The following COLEC10 variants were observed in gnomAD, a reference collection of about 807,000 sequenced individuals.
The protein encoded by COLEC10 is collectin-10.
In COLEC10, 22 loss-of-function variants were observed where a neutral mutation model predicts 28.4. The ratio of observed to expected loss-of-function variants is 0.78; its 90% CI spans 0.55 to 1.11. The LOEUF (loss-of-function observed/expected upper bound fraction) is 1.11, where lower values mean the gene tolerates loss of function less well. Among genes scored for constraint, COLEC10 ranks in the 50% least tolerant of loss-of-function variants. The pLI is 0.00. For missense variants in COLEC10, 361 were observed against 344.1 expected, an observed-to-expected ratio of 1.05 and a Z score of -0.39; for synonymous variants, 125 against 116.1, an observed-to-expected ratio of 1.08 and a Z score of -0.49.
Position 119,075,200 on chromosome 8 carries a change from C to T in COLEC10, c.148+7771C>T, listed in dbSNP as rs145382812. ...GCACAAATTCTCTCTTTCTCTCTTA[C>T]GTCTCTTGCTTATATTTATAAAATT... On this transcript the variant is annotated intron_variant, in intron 1 of 5. Coordinates refer to ENST00000332843, the MANE Select transcript of COLEC10 (RefSeq NM_006438.5). Among the ~76,000 whole-genome samples, 530 of 152,258 alleles carry T rather than the reference C, an allele frequency of 3.5e-3. 3 individuals carry two copies. The highest frequency in any genetic ancestry group is 0.012 in the African/African-American group (506 of 41,554).
upstream of COLEC10, among the ~76,000 whole-genome samples, chr8:118,994,361 C>A (rs1178079924): frequency 6.6e-6 from 1 of 152,120 alleles, no homozygotes; most frequent in Non-Finnish European, 1.5e-5. Context: ...ACTGTGGAAC[C>A]TGAAAGAGCC....
chr8:118,955,022 T>C, the COLEC10 span, among the ~76,000 whole-genome samples: 3 of 152,130 alleles, frequency 2.0e-5, no homozygotes, highest in African/African-American at 7.2e-5. Context: ...AAATTGGAAA[T>C]ACCGGTTCTG....
chr8:119,103,309 G>A (rs1051826889), intron 4 of COLEC10, among the ~76,000 whole-genome samples: 2 of 152,148 alleles, frequency 1.3e-5, no homozygotes, highest in Non-Finnish European at 2.9e-5. Flanking sequence ...AAACATGCAA[G>A]CTGTATTTTA....
chr8:118,978,189 T>C, the COLEC10 span, among the ~76,000 whole-genome samples: 1 of 152,170 alleles, frequency 6.6e-6, no homozygotes, highest in Non-Finnish European at 1.5e-5. Flanking sequence ...TTTTAACTTC[T>C]GATTTCATAA....
chr8:119,008,616 G>A (rs1036423806), intron 1 of COLEC10, among the ~76,000 whole-genome samples: 6 of 150,480 alleles, frequency 4.0e-5, no homozygotes, highest in African/African-American at 1.5e-4. Flanking sequence ...GGCTCCCAGA[G>A]TTGCTCATGA....
At chr8:119,097,346 A>G (rs968913061) in intron 3 of COLEC10, among the ~76,000 whole-genome samples, 2 of 152,024 alleles carry the variant, frequency 1.3e-5, no homozygotes, top group African/African-American at 2.4e-5. Flanking sequence ...TCCCTCTATC[A>G]TTCTTAAAAA....
chr8:119,104,114 G>A (rs1815893803), intron 5 of COLEC10, among the ~76,000 whole-genome samples: 1 of 152,066 alleles, frequency 6.6e-6, no homozygotes, highest in African/African-American at 2.4e-5. Flanking sequence ...TTGCTTATGG[G>A]AAGAGAAAGA....
rs149555053 is a variant in COLEC10, at chr8:119,020,455, G to A, written n.235+10902G>A. On this transcript the variant is annotated intron_variant and non_coding_transcript_variant, in intron 2 of 6. Coordinates refer to the COLEC10 transcript ENST00000521788. ...AAGAATTGGTTTCCAGGTTTGTTTC[G>A]TAACTGTGGTTGCCTAGTAGATGTA... 1.7e-3 allele frequency among the ~76,000 whole-genome samples: 253 copies of A among 152,082 alleles called. 2 individuals are homozygous for A. The highest frequency in any genetic ancestry group is 5.8e-3 in the African/African-American group (241 of 41,504).
At chr8:119,077,550 ATGAC>A (rs1203099679) in intron 1 of COLEC10, among the ~76,000 whole-genome samples, 1 of 152,142 alleles carries the variant, frequency 6.6e-6, no homozygotes, top group Non-Finnish European at 1.5e-5. Context: ...ATGTAGAAAA[ATGAC>A]TGGGCAGTGG....
the COLEC10 span, among the ~76,000 whole-genome samples, chr8:118,958,693 C>T: frequency 2.0e-5 from 3 of 152,214 alleles, no homozygotes; most frequent in South Asian, 2.1e-4. Flanking sequence ...TGAGACCTTT[C>T]GCTGCTCAGT....
chr8:119,002,111 A>G (rs1186768784), intron 1 of COLEC10, among the ~76,000 whole-genome samples: 2 of 152,158 alleles, frequency 1.3e-5, no homozygotes, highest in African/African-American at 4.8e-5. Flanking sequence ...CTACTTCATA[A>G]ACATCAATAC....
intron 3 of COLEC10, among the ~76,000 whole-genome samples, chr8:119,093,851 T>C (rs1271262372): frequency 1.3e-5 from 2 of 152,192 alleles, no homozygotes; most frequent in Non-Finnish European, 2.9e-5. Flanking sequence ...TTAAGTGATA[T>C]TTCCCCATTG....
the COLEC10 span, among the ~76,000 whole-genome samples, chr8:118,985,206 A>C: frequency 4.6e-5 from 7 of 152,058 alleles, no homozygotes; most frequent in African/African-American, 1.7e-4. Context: ...GTTTGAAGCC[A>C]CCAAGTTCAT....
At chr8:118,973,561 G>T in the COLEC10 span, among the ~76,000 whole-genome samples, 1 of 151,910 alleles carries the variant, frequency 6.6e-6, no homozygotes, top group Non-Finnish European at 1.5e-5. Context: ...AAAGACAAAA[G>T]AATCTACTAG....
At position 119,080,310 on chromosome 8, in the gene COLEC10, C is replaced by T. The variant is rs561790253; in HGVS notation, c.149-9370C>T. 1.4e-4 allele frequency among the ~76,000 whole-genome samples: 22 copies of T among 152,200 alleles called. 1 individual carries two copies. In the South Asian group the frequency reaches 4.4e-3, roughly 30 times the overall value. On this transcript the variant is annotated intron_variant, in intron 1 of 5. Transcript: ENST00000332843. Reference sequence around the variant, plus strand: ...TAGAAATGCAGTAAAAATTGGCCAACGAACAAACAAGTAAGAAAATTGTGA... The same window carrying T: ...TAGAAATGCAGTAAAAATTGGCCAATGAACAAACAAGTAAGAAAATTGTGA...
intron 1 of COLEC10, among the ~76,000 whole-genome samples, chr8:118,996,884 G>C (rs1416967685): frequency 6.6e-6 from 1 of 152,054 alleles, no homozygotes; most frequent in African/African-American, 2.4e-5. Flanking sequence ...GTAAGGATTG[G>C]GGGAGGTACC....
chr8:119,099,499 A>G (rs1221197994), intron 3 of COLEC10, among the ~76,000 whole-genome samples: 1 of 152,074 alleles, frequency 6.6e-6, no homozygotes, highest in East Asian at 1.9e-4. Context: ...GCTTAGAGAA[A>G]TTAAGTAACC....
chr8:118,991,353 C>T (rs1037614092), upstream of COLEC10, among the ~76,000 whole-genome samples: 1 of 152,074 alleles, frequency 6.6e-6, no homozygotes. Flanking sequence ...CTGTGAAGAT[C>T]GAATGAGATA....
intron 2 of COLEC10, among the ~76,000 whole-genome samples, chr8:119,040,477 T>C (rs116870565): frequency 5.3e-5 from 8 of 152,262 alleles, no homozygotes; most frequent in Non-Finnish European, 1.0e-4. Context: ...ATACATATAT[T>C]ATAAATATAA....
Sources: gnomAD v4.1 joint callset for allele counts (sites outside exome capture counted in the v4.1 genomes callset) on GRCh38, gnomAD v4.1.1 for gene constraint, MANE v1.5 for transcripts, NCBI Gene and HGNC (gene_info 2026-07-23, HGNC 2026-07-21) for gene names.